Variants in KLHL1 observed in about 807,000 individuals in gnomAD.
KLHL1 encodes kelch like family member 1.
Under a neutral mutation model 77.7 loss-of-function variants are expected in KLHL1, and 47 were observed. The ratio of observed to expected loss-of-function variants is 0.60; its 90% CI spans 0.48 to 0.77. KLHL1 has a LOEUF of 0.77. KLHL1 is among the 30% of genes least tolerant of loss of function. The pLI is 0.00. For missense variants in KLHL1, 925 were observed against 910.8 expected, an observed-to-expected ratio of 1.02 and a Z score of -0.20; for synonymous variants, 360 against 325.2, an observed-to-expected ratio of 1.11 and a Z score of -1.15.
intron 1 of KLHL1, among the ~76,000 whole-genome samples, chr13:70,023,581 C>T (rs1026879877): frequency 6.6e-6 from 1 of 151,856 alleles, no homozygotes; most frequent in African/African-American, 2.4e-5. Context: ...CACAAAGTGT[C>T]GATTTTTTGT....
At chr13:69,730,659 A>G (rs1403963832) in intron 8 of KLHL1, among the ~76,000 whole-genome samples, 1 of 151,998 alleles carries the variant, frequency 6.6e-6, no homozygotes, top group African/African-American at 2.4e-5. Context: ...ACTAGCCTCA[A>G]CTTCCTGATT....
At chr13:69,892,578 G>GA (rs902097630) in intron 4 of KLHL1, among the ~76,000 whole-genome samples, 3 of 151,104 alleles carry the variant, frequency 2.0e-5, no homozygotes, top group African/African-American at 7.3e-5. Context: ...ACAGAAAATT[G>GA]AAAAAAAGTT....
chr13:70,104,035 T>C (rs1887988779), intron 1 of KLHL1, among the ~76,000 whole-genome samples: 1 of 152,152 alleles, frequency 6.6e-6, no homozygotes, highest in Non-Finnish European at 1.5e-5. Context: ...ATGACATGTC[T>C]TCTCCCACTC....
chr13:70,028,201 T>C (rs966667909), intron 1 of KLHL1, among the ~76,000 whole-genome samples: 1 of 152,132 alleles, frequency 6.6e-6, no homozygotes, highest in Admixed American at 6.6e-5. Context: ...TCAGATATGC[T>C]TTGAGATGTA....
chr13:69,733,600 T>C (rs74090430), intron 8 of KLHL1, among the ~76,000 whole-genome samples: 7,313 of 152,198 alleles, frequency 0.048, 543 homozygotes, highest in African/African-American at 0.16. Flanking sequence ...CTAATACATA[T>C]ATTAAAGATG....
At chr13:69,938,581 C>A (rs1343643615) in intron 4 of KLHL1, among the ~76,000 whole-genome samples, 1 of 152,092 alleles carries the variant, frequency 6.6e-6, no homozygotes, top group Non-Finnish European at 1.5e-5. Flanking sequence ...GCATATTTTT[C>A]TTTGGCTTAG....
rs116574980 is a variant in KLHL1, at chr13:69,988,011, C to T, written c.498-12209G>A. Among the ~76,000 whole-genome samples, 1,397 of 151,574 alleles carry T rather than the reference C, an allele frequency of 9.2e-3. 25 individuals carry two copies. The highest frequency in any genetic ancestry group is 0.032 in the African/African-American group (1,309 of 41,254). On this transcript the variant is annotated intron_variant, in intron 1 of 10. Coordinates refer to ENST00000377844, the MANE Select transcript of KLHL1 (RefSeq NM_020866.3). ...TACATGTTCAGGCTTGTTATAGAGG[C>T]GAACTCATGACTCGAGGGTTTTGTG...
At chr13:69,975,584 T>C (rs1040952645) in intron 2 of KLHL1, 36 bp downstream of exon 2, 1 of 1,555,270 alleles carries the variant, frequency 6.4e-7, no homozygotes, top group African/African-American at 1.4e-5. Flanking sequence ...TTTAAACATG[T>C]GAATGCATGT....
chr13:70,083,757 A>T (rs917289013), intron 1 of KLHL1, among the ~76,000 whole-genome samples: 2 of 152,128 alleles, frequency 1.3e-5, no homozygotes, highest in Non-Finnish European at 2.9e-5. Context: ...TATTGCACTA[A>T]CTACTCCACT....
chr13:69,863,474 G>C (rs2325248), intron 5 of KLHL1, among the ~76,000 whole-genome samples: 1 of 151,114 alleles, frequency 6.6e-6, no homozygotes, highest in Non-Finnish European at 1.5e-5. Context: ...TCTGAATAGA[G>C]TGTATATGAA....
intron 1 of KLHL1, among the ~76,000 whole-genome samples, chr13:70,054,057 TGGCATTAGCTCCTCTGTC>T (rs1292495518): frequency 7.9e-5 from 12 of 152,136 alleles, no homozygotes; most frequent in African/African-American, 2.7e-4. Context: ...ATTCTTTTAA[TGGCATTAGCTCCTCTGTC>T]ACTTTGCTCA....
intron 6 of KLHL1, among the ~76,000 whole-genome samples, chr13:69,801,181 G>A (rs1054947142): frequency 6.6e-6 from 1 of 152,048 alleles, no homozygotes; most frequent in South Asian, 2.1e-4. Flanking sequence ...ACAGAGTCCT[G>A]ACCACTTTTG....
chr13:69,864,792 T>A (rs1880309867), intron 5 of KLHL1, among the ~76,000 whole-genome samples: 1 of 152,070 alleles, frequency 6.6e-6, no homozygotes, highest in Admixed American at 6.6e-5. Context: ...TACAACATAT[T>A]AGGGCAAAAA....
intron 9 of KLHL1, among the ~76,000 whole-genome samples, chr13:69,717,499 T>G (rs2137890305): frequency 6.6e-6 from 1 of 152,292 alleles, no homozygotes; most frequent in East Asian, 1.9e-4. Context: ...TAACTCAAAA[T>G]AGCCATGCTT....
rs1287755676 is a variant in KLHL1 at position 69,981,701 on chromosome 13, A to T, written c.498-5899T>A. On this transcript the variant is annotated intron_variant, in intron 1 of 10. Transcript: ENST00000377844. ...TTTGTTATTTTCTACCTTTTAAAAA[A>T]TGTTCACATATTTTATATCAGGCAC... Among the ~76,000 whole-genome samples, 5 of 152,112 alleles carry T rather than the reference A, an allele frequency of 3.3e-5. No homozygotes were observed. In the East Asian group the frequency reaches 9.6e-4, roughly 29 times the overall value.
At chr13:69,881,971 C>G (rs531850394) in intron 5 of KLHL1, among the ~76,000 whole-genome samples, 25 of 152,042 alleles carry the variant, frequency 1.6e-4, no homozygotes, top group Admixed American at 1.2e-3. Context: ...TATATATTAT[C>G]TAATGGATCT....
chr13:69,768,885 A>T (rs957305596), intron 7 of KLHL1, among the ~76,000 whole-genome samples: 2 of 152,138 alleles, frequency 1.3e-5, no homozygotes, highest in African/African-American at 2.4e-5. Flanking sequence ...CATGGAACTA[A>T]CATTCTTTTT....
At chr13:69,997,939 T>A (rs1487587081) in intron 1 of KLHL1, among the ~76,000 whole-genome samples, 1 of 151,822 alleles carries the variant, frequency 6.6e-6, no homozygotes, top group Non-Finnish European at 1.5e-5. Flanking sequence ...CTCTTCGAGA[T>A]CCTGATTTCA....
intron 5 of KLHL1, among the ~76,000 whole-genome samples, chr13:69,876,038 A>G (rs1308545324): frequency 6.6e-6 from 1 of 152,156 alleles, no homozygotes; most frequent in Non-Finnish European, 1.5e-5. Context: ...GGCCTTACTC[A>G]TTTGTAAGAA....
Sources: gnomAD v4.1 joint callset for allele counts (sites outside exome capture counted in the v4.1 genomes callset) on GRCh38, gnomAD v4.1.1 for gene constraint, MANE v1.5 for transcripts, NCBI Gene and HGNC (gene_info 2026-07-23, HGNC 2026-07-21) for gene names.